TNIK: variants seen among roughly 807,000 people sequenced by gnomAD.
The protein encoded by TNIK is TRAF2 and NCK-interacting protein kinase.
In TNIK, 49 loss-of-function variants were observed where a neutral mutation model predicts 191.3. That is an observed-to-expected ratio of 0.26 (90% CI 0.20 to 0.32). The LOEUF is 0.32. Ranked by LOEUF, TNIK falls within the 10% of genes least tolerant of loss-of-function variation. The pLI is 1.00. For missense variants in TNIK, 1,155 were observed against 1,702.3 expected, an observed-to-expected ratio of 0.68 and a Z score of 5.66; for synonymous variants, 594 against 600.9, an observed-to-expected ratio of 0.99 and a Z score of 0.17.
At chr3:171,146,395 A>T (rs531772456) in intron 12 of TNIK, among the ~76,000 whole-genome samples, 27 of 152,302 alleles carry the variant, frequency 1.8e-4, no homozygotes, top group African/African-American at 6.3e-4. Flanking sequence ...TATATACATC[A>T]TATTTCCCAT....
chr3:171,101,451 C>T lies in TNIK; in HGVS notation c.2589G>A (p.Leu863=), dbSNP rs778158633. 7 of 1,599,202 alleles carry T rather than the reference C, an allele frequency of 4.4e-6. No individual in the cohort carries two copies. Among genetic ancestry groups the T allele is most frequent in the Admixed American group, 3.6e-5 (2 of 55,402 alleles). ...GTVAVSDIPR[L]IPTGAPGSNE... Reference sequence around the variant, plus strand: ...CACTTTAAAAGTAGTTCTCTTACATCAGTCTGGGTATGTCGCTGACAGCCA... The same window carrying T: ...CACTTTAAAAGTAGTTCTCTTACATTAGTCTGGGTATGTCGCTGACAGCCA... Residue 863 remains leucine (L), a splice_region_variant and synonymous_variant, in exon 22 of 33, where the codon CTG becomes CTA. Transcript: ENST00000436636.
At chr3:171,114,023 A>G (rs1726301092) in intron 18 of TNIK, among the ~76,000 whole-genome samples, 1 of 148,580 alleles carries the variant, frequency 6.7e-6, no homozygotes. Flanking sequence ...AAAAAGCAGC[A>G]TTCTCAAGGC....
chr3:171,319,294 T>C (rs1754946628), intron 2 of TNIK, among the ~76,000 whole-genome samples: 1 of 152,308 alleles, frequency 6.6e-6, no homozygotes, highest in South Asian at 2.1e-4. Flanking sequence ...TGGGCAACTT[T>C]CCATAGTTTT....
intron 2 of TNIK, among the ~76,000 whole-genome samples, chr3:171,321,125 T>C (rs1755128187): frequency 6.6e-6 from 1 of 152,202 alleles, no homozygotes; most frequent in African/African-American, 2.4e-5. Flanking sequence ...AGAACAACGA[T>C]TTCTTTAGCA....
chr3:171,316,750 A>G (rs747337737), intron 2 of TNIK, among the ~76,000 whole-genome samples: 3 of 151,982 alleles, frequency 2.0e-5, no homozygotes, highest in Non-Finnish European at 4.4e-5. Context: ...TGGTTCATAC[A>G]TTGATCTTTT....
chr3:171,078,719 T>A (rs1720306000), intron 28 of TNIK, among the ~76,000 whole-genome samples: 1 of 152,224 alleles, frequency 6.6e-6, no homozygotes, highest in African/African-American at 2.4e-5. Flanking sequence ...GGCAGCAAGC[T>A]TTTTTCATGG....
At chr3:171,180,627 C>T (rs553004163) in intron 7 of TNIK, among the ~76,000 whole-genome samples, 4 of 152,152 alleles carry the variant, frequency 2.6e-5, no homozygotes, top group African/African-American at 9.7e-5. Flanking sequence ...TGTTCTAGGG[C>T]TAGTAGACTC....
At chr3:171,385,655 A>C (rs1036039108) in intron 1 of TNIK, among the ~76,000 whole-genome samples, 1 of 152,234 alleles carries the variant, frequency 6.6e-6, no homozygotes, top group Non-Finnish European at 1.5e-5. Flanking sequence ...TTGGGTACAC[A>C]GACAGAGATA....
intron 3 of TNIK, among the ~76,000 whole-genome samples, chr3:171,222,752 C>T (rs1742509463): frequency 6.6e-6 from 1 of 152,102 alleles, no homozygotes; most frequent in African/African-American, 2.4e-5. Context: ...GCTTCACCTA[C>T]AGAAATTCAG....
intron 5 of TNIK, among the ~76,000 whole-genome samples, chr3:171,191,546 C>T (rs1249616105): frequency 6.6e-6 from 1 of 152,188 alleles, no homozygotes; most frequent in Non-Finnish European, 1.5e-5. Context: ...CCTTGTTATA[C>T]AATTTTAATT....
Position 171,311,500 on chromosome 3 carries a change from A to G in TNIK, c.123+58120T>C, listed in dbSNP as rs549116445. ...GATGAAGAAACTGATGCTCACGGAA[A>G]CTAAGTAACTTGCTTAAGATGACAC... is the stretch of plus-strand genomic sequence containing the variant. On this transcript the variant is annotated intron_variant, in intron 2 of 32. Coordinates refer to ENST00000436636, the MANE Select transcript of TNIK (RefSeq NM_015028.4). 7.9e-5 allele frequency among the ~76,000 whole-genome samples: 12 copies of G among 152,296 alleles called. No individual in the cohort carries two copies. The South Asian group carries it at 2.5e-3, about 32-fold the overall frequency.
rs1020154415 is a variant in TNIK, at chr3:171,346,990, C to A, written c.123+22630G>T. 4 of 665,480 alleles carry A rather than the reference C, an allele frequency of 6.0e-6. No homozygotes were observed. In the African/African-American group the frequency reaches 7.4e-5, roughly 12 times the overall value. 41.2% of individuals were successfully genotyped at this position (665,480 alleles called of 1,614,324 possible). ...TGGCTGCACAGTAGGAATGTAGGGG[C>A]TGCAAGGATAACATCAAGGGACAGT... On this transcript the variant is annotated intron_variant, in intron 2 of 32. Coordinates refer to ENST00000436636, the MANE Select transcript of TNIK (RefSeq NM_015028.4).
At chr3:171,217,882 C>T (rs1325962632) in intron 3 of TNIK, among the ~76,000 whole-genome samples, 3 of 152,106 alleles carry the variant, frequency 2.0e-5, no homozygotes, top group Admixed American at 6.6e-5. Flanking sequence ...GGGATAGAAA[C>T]ATTTTCCTGG....
At chr3:171,222,758 T>A (rs74679631) in intron 3 of TNIK, among the ~76,000 whole-genome samples, 1,942 of 152,232 alleles carry the variant, frequency 0.013, 30 homozygotes, top group East Asian at 0.074. Context: ...CCTACAGAAA[T>A]TCAGTAAGAC....
intron 1 of TNIK, among the ~76,000 whole-genome samples, chr3:171,433,554 T>C (rs1015041122): frequency 1.3e-5 from 2 of 152,122 alleles, no homozygotes; most frequent in Admixed American, 1.3e-4. Context: ...GCGGCAAATA[T>C]TGCATCACAG....
intron 21 of TNIK, among the ~76,000 whole-genome samples, chr3:171,102,513 T>C (rs6444959): frequency 0.99 from 150,737 of 152,288 alleles, 74,599 homozygotes; most frequent in East Asian, 1. Flanking sequence ...GCTTTCAGAG[T>C]AATGCAGAGG....
At chr3:171,139,422 G>T in intron 14 of TNIK, 48 bp downstream of exon 14, 14 of 1,370,026 alleles carry the variant, frequency 1.0e-5, no homozygotes, top group Non-Finnish European at 1.4e-5. Context: ...ACAAACACTT[G>T]CAAGATGAAC....
At chr3:171,351,267 A>ATGTGTGTGTGTGTGTGTGTGTGTG (rs1161906508) in intron 2 of TNIK, among the ~76,000 whole-genome samples, 1 of 45,886 alleles carries the variant, frequency 2.2e-5, no homozygotes, top group East Asian at 0.013. Flanking sequence ...ATATATATGT[A>ATGTGTGTGTGTGTGTGTGTGTGTG]TATATGTGTG....
chr3:171,134,217 C>T (rs1415714376), intron 15 of TNIK, among the ~76,000 whole-genome samples: 1 of 152,206 alleles, frequency 6.6e-6, no homozygotes, highest in Non-Finnish European at 1.5e-5. Context: ...ACAGTACATA[C>T]CTGACATCCA....
Sources: gnomAD v4.1 joint callset for allele counts (sites outside exome capture counted in the v4.1 genomes callset) on GRCh38, gnomAD v4.1.1 for gene constraint, MANE v1.5 for transcripts, NCBI Gene and HGNC (gene_info 2026-07-23, HGNC 2026-07-21) for gene names.